NOL8: variants seen among roughly 807,000 people sequenced by gnomAD.
NOL8 encodes the protein nucleolar protein 8.
In NOL8, 93 loss-of-function variants were observed where a neutral mutation model predicts 116.1. The observed-to-expected ratio is 0.80, with a 90% CI of 0.68 to 0.95. The LOEUF is 0.95. NOL8 is among the 40% of genes least tolerant of loss of function. The pLI, the probability that NOL8 is intolerant of heterozygous loss-of-function variation, is 0.00. For missense variants in NOL8, 1,291 were observed against 1,382.8 expected, an observed-to-expected ratio of 0.93 and a Z score of 1.05; for synonymous variants, 419 against 469.0, an observed-to-expected ratio of 0.89 and a Z score of 1.38.
chr9:92,297,917 A>C, intron 16 of NOL8, 31 bp from the exon 17 acceptor site: 1 of 1,523,634 alleles, frequency 6.6e-7, no homozygotes, highest in Non-Finnish European at 8.9e-7. Context: ...GGTTAGCAAT[A>C]AACAAATTGT....
In NOL8 at chr9:92,300,130, T is replaced by G; in HGVS notation, c.3176-114A>C. The G allele has an allele frequency of 3.5e-6, 5 of 1,411,982 alleles. No individual in the cohort carries two copies. In the South Asian group the frequency reaches 8.3e-5, roughly 23 times the overall value. 87.5% of individuals were successfully genotyped at this position (1,411,982 alleles called of 1,614,324 possible). A position where few individuals can be genotyped will look rare whatever the true frequency, so the allele number is the denominator to read the frequency against. The stretch of plus-strand genomic sequence containing the variant: ...TAGACATATCTAAAGTTCCAATATG[T>G]TAATCATTAATTTAAAATAGTATCA... On this transcript the variant is annotated intron_variant, in intron 13 of 16. Transcript: ENST00000442668.
Position 92,319,260 on chromosome 9 carries a change from A to T in NOL8, c.378T>A (p.His126Gln). The T allele has an allele frequency of 6.3e-7, 1 of 1,589,564 alleles. No homozygotes were observed. Among genetic ancestry groups the T allele is most frequent in the Non-Finnish European group, 8.5e-7 (1 of 1,170,570 alleles). Residue 126 changes from histidine (H) to glutamine (Q), a missense_variant, in exon 5 of 17, where the codon CAT becomes CAA. Coordinates refer to ENST00000442668, the MANE Select transcript of NOL8 (RefSeq NM_017948.6). ...LLEKTGGVDF[H>Q]MKAVPGTEVP... is the part of the protein sequence containing the mutation. ...CTTCTGTCCCTGGCACAGCTTTCAT[A>T]TGGAAATCCACTCCTCCTGTCTTTT...
intron 12 of NOL8, among the ~76,000 whole-genome samples, chr9:92,304,223 C>T (rs1157241722): frequency 6.6e-6 from 1 of 152,202 alleles, no homozygotes. Context: ...GGCCCTCAGT[C>T]CTAATCAAAG....
intron 5 of NOL8, 21 bp downstream of exon 5, chr9:92,319,200 C>G (rs748126840): frequency 1.3e-6 from 2 of 1,498,798 alleles, no homozygotes; most frequent in Non-Finnish European, 1.8e-6. Context: ...GTAATTGGCT[C>G]AGGCTACAGA....
Position 92,300,277 on chromosome 9 carries a change from T to G in NOL8, c.3176-261A>C, listed in dbSNP as rs181840274. On this transcript the variant is annotated intron_variant, in intron 13 of 16. Coordinates refer to ENST00000442668, the MANE Select transcript of NOL8 (RefSeq NM_017948.6). ...AGTAATATAAAAAAGGTTTAAAAAA[T>G]AAAGGTTTATAAATGAGCTATATAA... 8.4e-5 allele frequency: 86 copies of G among 1,022,062 alleles called. No homozygotes were observed. The African/African-American group carries it at 1.3e-3, about 15-fold the overall frequency. 63.3% of individuals were successfully genotyped at this position (1,022,062 alleles called of 1,614,324 possible). A position where few individuals can be genotyped will look rare whatever the true frequency, so the allele number is the denominator to read the frequency against.
In NOL8 at chr9:92,322,387, G is replaced by C. The variant is rs570671120; in HGVS notation, c.203-641C>G. ...AAATTTATCTTTTCTTTTTGAGACA[G>C]AGTGTCCTTCTGTCGCCCAGGCTGG... On this transcript the variant is annotated intron_variant, in intron 3 of 16. Transcript: ENST00000442668. Among the ~76,000 whole-genome samples the C allele has an allele frequency of 3.9e-5, 6 of 152,284 alleles. No individual in the cohort carries two copies. The East Asian group carries it at 9.6e-4, about 24-fold the overall frequency.
At chr9:92,319,187 C>G in intron 5 of NOL8, 34 bp downstream of exon 5, 6 of 1,488,692 alleles carry the variant, frequency 4.0e-6, no homozygotes, top group South Asian at 1.4e-5. Context: ...TTTCCAAGAC[C>G]ATGTAATTGG....
At position 92,314,969 on chromosome 9, in the gene NOL8, C is replaced by G; in HGVS notation, c.1656G>C (p.Glu552Asp). ...AEIVASLLEG[E>D]ENTCGKQKPK... The stretch of plus-strand genomic sequence containing the variant: ...GTTTCTGTTTGCCACAGGTGTTCTC[C>G]TCTCCTTCTAACAGGGAAGCCACAA... Residue 552 changes from glutamate to aspartate, a missense_variant, in exon 7 of 17, where the codon GAG (glutamate) becomes GAC (aspartate). By Grantham distance (45) the Glu-to-Asp change is conservative (BLOSUM62 2). Transcript: ENST00000442668. 6.2e-7 allele frequency: 1 copy of G among 1,613,982 alleles called. No homozygotes were observed. The highest frequency in any genetic ancestry group is 8.5e-7 in the Non-Finnish European group (1 of 1,179,884).
At chr9:92,301,878 C>T in intron 12 of NOL8, 56 bp from the exon 13 acceptor site, 1 of 1,453,342 alleles carries the variant, frequency 6.9e-7, no homozygotes, top group Admixed American at 2.9e-5. Flanking sequence ...TGGGAAATTT[C>T]CAGAAATCAA....
At chr9:92,310,144 C>T in intron 10 of NOL8, 27 bp downstream of exon 10, 2 of 1,520,102 alleles carry the variant, frequency 1.3e-6, no homozygotes, top group African/African-American at 1.4e-5. Context: ...GATATGACAT[C>T]AGGACTCTGG....
chr9:92,308,816 AGTT>A (rs977857704), intron 10 of NOL8: 9 of 152,396 alleles, frequency 5.9e-5, no homozygotes, highest in African/African-American at 2.2e-4. Flanking sequence ...TTGGAGGACA[AGTT>A]GTTTACGGCT....
chr9:92,302,722 A>C (rs1837859573), intron 12 of NOL8, among the ~76,000 whole-genome samples: 2 of 152,170 alleles, frequency 1.3e-5, no homozygotes, highest in Non-Finnish European at 2.9e-5. Flanking sequence ...TAATTCCCTC[A>C]TCCCTTGAGT....
chr9:92,310,227 T>C lies in NOL8; in HGVS notation c.2630A>G (p.Asp877Gly). 1.9e-6 allele frequency: 3 copies of C among 1,610,406 alleles called. No homozygotes were observed. The highest frequency in any genetic ancestry group is 2.5e-6 in the Non-Finnish European group (3 of 1,178,382). The stretch of plus-strand genomic sequence containing the variant: ...AAATCGAGAGTCCATGCGGAATCTG[T>C]CATCGGTGCCAAAGTGCGACTGTAA... ...MDLQSHFGTD[D>G]RFRMDSRFLE... The change falls in exon 10 of 17, where the codon GAC (aspartate) becomes GGC (glycine). Residue 877 changes from aspartate to glycine, a missense_variant. Transcript: ENST00000442668.
Position 92,316,147 on chromosome 9 carries a change from A to T in NOL8, c.487-9T>A. 2 of 1,600,306 alleles carry T rather than the reference A, an allele frequency of 1.2e-6. No homozygotes were observed. The highest frequency in any genetic ancestry group is 8.5e-7 in the Non-Finnish European group (1 of 1,173,236). On this transcript the variant is annotated splice_polypyrimidine_tract_variant and intron_variant, in intron 6 of 16. Coordinates refer to ENST00000442668, the MANE Select transcript of NOL8 (RefSeq NM_017948.6). The stretch of plus-strand genomic sequence containing the variant: ...GGATCATATTTGATGATGTTACGCA[A>T]GTCAAGAAACAAAACTAAAGCACTT...
At position 92,314,796 on chromosome 9, in the gene NOL8, A is replaced by C. The variant is rs376830219; in HGVS notation, c.1829T>G (p.Ile610Ser). 129 of 1,613,510 alleles carry C rather than the reference A, an allele frequency of 8.0e-5. No homozygotes were observed. The highest frequency in any genetic ancestry group is 1.0e-4 in the Non-Finnish European group (119 of 1,179,798). Residue 610 changes from isoleucine to serine, a missense_variant, in exon 7 of 17, where the codon ATC becomes AGC. Coordinates refer to ENST00000442668, the MANE Select transcript of NOL8 (RefSeq NM_017948.6). ...QNSMKHEDPS[I>S]ISMEDGSPYV... The stretch of plus-strand genomic sequence containing the variant: ...TGGGGACCCATCTTCCATGGATATG[A>C]TACTGGGATCCTCATGTTTCATGGA...
intron 12 of NOL8, among the ~76,000 whole-genome samples, chr9:92,303,609 A>T (rs1158487760): frequency 6.6e-6 from 1 of 152,194 alleles, no homozygotes; most frequent in Non-Finnish European, 1.5e-5. Flanking sequence ...AAAATAAAAC[A>T]AAATTCTTTG....
At chr9:92,308,234 A>T (rs2134107322) in intron 10 of NOL8, among the ~76,000 whole-genome samples, 1 of 152,308 alleles carries the variant, frequency 6.6e-6, no homozygotes, top group Non-Finnish European at 1.5e-5. Context: ...ATGAAAATAC[A>T]AAAATTAGCT....
intron 13 of NOL8, chr9:92,300,342 C>G: frequency 1.0e-6 from 1 of 996,390 alleles, no homozygotes; most frequent in Non-Finnish European, 1.2e-6. Flanking sequence ...GGCATCTGTG[C>G]TTGCATGAGA....
intron 4 of NOL8, 139 bp downstream of exon 4, chr9:92,321,529 G>A (rs1471617995): frequency 2.2e-5 from 13 of 589,732 alleles, no homozygotes; most frequent in Non-Finnish European, 3.5e-5. Flanking sequence ...ATTCAGAGTT[G>A]AAAGGGATTT....
Sources: allele counts gnomAD v4.1 joint callset (sites outside exome capture counted in the v4.1 genomes callset), GRCh38; gene constraint gnomAD v4.1.1; transcripts MANE v1.5; gene names NCBI Gene and HGNC (gene_info 2026-07-23, HGNC 2026-07-21).